NCAM2: variants seen among roughly 807,000 people sequenced by gnomAD.
NCAM2 encodes the protein N-CAM-2.
In NCAM2, 30 loss-of-function variants were observed where a neutral mutation model predicts 98.1. The ratio of observed to expected loss-of-function variants is 0.31; its 90% CI spans 0.23 to 0.41. NCAM2 has a LOEUF of 0.41. NCAM2 is among the 10% of genes least tolerant of loss of function. The probability of loss-of-function intolerance (pLI) is 1.00; values close to 1 mark genes in which losing one functional copy is unlikely to be tolerated. For synonymous variants in NCAM2, 368 were observed against 342.4 expected (o/e 1.07, Z -0.83); for missense variants, 867 against 1,005.8 (o/e 0.86, Z 1.87).
At chr21:21,513,486 T>G (rs965521335) in intron 16 of NCAM2, among the ~76,000 whole-genome samples, 2 of 152,106 alleles carry the variant, frequency 1.3e-5, no homozygotes, top group Non-Finnish European at 2.9e-5. Context: ...TTAATTTCCA[T>G]GTGTTTCTAT....
At chr21:21,221,177 A>G (rs2070133869) in intron 1 of NCAM2, among the ~76,000 whole-genome samples, 1 of 152,110 alleles carries the variant, frequency 6.6e-6, no homozygotes, top group South Asian at 2.1e-4. Flanking sequence ...GTGTGTTCCT[A>G]CTGTTTCATT....
intron 1 of NCAM2, among the ~76,000 whole-genome samples, chr21:21,055,089 CTT>C (rs1186265355): frequency 6.6e-6 from 1 of 151,976 alleles, no homozygotes; most frequent in Non-Finnish European, 1.5e-5. Flanking sequence ...TGTAACATCT[CTT>C]AATTTTCAGA....
intron 5 of NCAM2, 43 bp from the exon 6 acceptor site, chr21:21,324,340 G>A (rs762798288): frequency 7.2e-7 from 1 of 1,398,544 alleles, no homozygotes; most frequent in Non-Finnish European, 1.0e-6. Flanking sequence ...TGGTAGTGAA[G>A]GTGTTTTCGT....
intron 1 of NCAM2, among the ~76,000 whole-genome samples, chr21:21,110,552 T>G (rs189586788): frequency 2.0e-5 from 3 of 151,526 alleles, no homozygotes; most frequent in Non-Finnish European, 3.0e-5. Context: ...TATACCAGAT[T>G]AATGCAACAA....
At chr21:21,308,012 G>A (rs2147694293) in intron 5 of NCAM2, among the ~76,000 whole-genome samples, 1 of 151,842 alleles carries the variant, frequency 6.6e-6, no homozygotes, top group Non-Finnish European at 1.5e-5. Flanking sequence ...TTAGGGCATT[G>A]ACATCTTTGG....
intron 15 of NCAM2, among the ~76,000 whole-genome samples, chr21:21,493,933 A>G (rs1160287896): frequency 6.6e-6 from 1 of 152,022 alleles, no homozygotes; most frequent in East Asian, 1.9e-4. Flanking sequence ...ATATAATAAT[A>G]GACGTTTATA....
intron 12 of NCAM2, among the ~76,000 whole-genome samples, chr21:21,443,398 C>A: frequency 6.6e-6 from 1 of 151,558 alleles, no homozygotes; most frequent in Non-Finnish European, 1.5e-5. Flanking sequence ...ACATTGTGCA[C>A]ATGAACCCCA....
intron 1 of NCAM2, among the ~76,000 whole-genome samples, chr21:21,007,922 G>A (rs527646659): frequency 2.4e-4 from 36 of 152,160 alleles, no homozygotes; most frequent in Admixed American, 1.2e-3. Flanking sequence ...TGATTCAGAC[G>A]CCTCTGACGT....
intron 1 of NCAM2, among the ~76,000 whole-genome samples, chr21:21,271,537 T>C (rs2147431141): frequency 6.6e-6 from 1 of 152,332 alleles, no homozygotes; most frequent in South Asian, 2.1e-4. Flanking sequence ...TAAAATTATG[T>C]AATGCTTATC....
At chr21:21,234,851 T>A (rs1200828681) in intron 1 of NCAM2, among the ~76,000 whole-genome samples, 1 of 152,036 alleles carries the variant, frequency 6.6e-6, no homozygotes, top group Non-Finnish European at 1.5e-5. Flanking sequence ...AAATGAATGA[T>A]GAATAAATTG....
At chr21:21,371,298 T>C (rs980247001) in intron 8 of NCAM2, among the ~76,000 whole-genome samples, 13 of 151,754 alleles carry the variant, frequency 8.6e-5, no homozygotes, top group Non-Finnish European at 2.9e-5. Context: ...AGAGTGTTGG[T>C]TTTTCTGTCT....
intron 4 of NCAM2, among the ~76,000 whole-genome samples, chr21:21,287,167 T>C (rs1454107232): frequency 1.3e-5 from 2 of 151,974 alleles, no homozygotes; most frequent in East Asian, 3.9e-4. Flanking sequence ...TTTAGAATTT[T>C]TTCAATGCAC....
chr21:21,484,514 G>T (rs1316934506), intron 15 of NCAM2, among the ~76,000 whole-genome samples: 1 of 152,080 alleles, frequency 6.6e-6, no homozygotes, highest in East Asian at 1.9e-4. Flanking sequence ...GCTGAATGCT[G>T]CTGGGTTTTC....
At chr21:21,159,608 A>G (rs2067720501) in intron 1 of NCAM2, among the ~76,000 whole-genome samples, 1 of 152,156 alleles carries the variant, frequency 6.6e-6, no homozygotes, top group African/African-American at 2.4e-5. Context: ...CCTAGGAGCA[A>G]TAAGTTATAC....
At chr21:21,010,444 A>G (rs1434093645) in intron 1 of NCAM2, among the ~76,000 whole-genome samples, 4 of 152,242 alleles carry the variant, frequency 2.6e-5, no homozygotes, top group South Asian at 2.1e-4. Context: ...CTATTATGCA[A>G]TACCCTAAGT....
intron 1 of NCAM2, among the ~76,000 whole-genome samples, chr21:21,195,423 A>T (rs1271548853): frequency 6.6e-6 from 1 of 152,198 alleles, no homozygotes; most frequent in African/African-American, 2.4e-5. Context: ...ATATTCAGTT[A>T]AAAACAGAGT....
intron 1 of NCAM2, among the ~76,000 whole-genome samples, chr21:21,144,763 C>A (rs1361576372): frequency 6.6e-6 from 1 of 152,092 alleles, no homozygotes; most frequent in Non-Finnish European, 1.5e-5. Context: ...CACTTACATT[C>A]ATAGATTTAA....
At chr21:21,357,236 G>A (rs1477634790) in intron 8 of NCAM2, among the ~76,000 whole-genome samples, 1 of 151,982 alleles carries the variant, frequency 6.6e-6, no homozygotes, top group African/African-American at 2.4e-5. Flanking sequence ...CGTTCAATGC[G>A]TATGCCTCAC....
At chr21:21,392,812 A>G (rs1307638205) in intron 9 of NCAM2, among the ~76,000 whole-genome samples, 2 of 152,032 alleles carry the variant, frequency 1.3e-5, no homozygotes, top group Non-Finnish European at 2.9e-5. Flanking sequence ...TTTTTCTTGT[A>G]AATTTGTTTA....
Sources: allele counts gnomAD v4.1 joint callset (sites outside exome capture counted in the v4.1 genomes callset), GRCh38; gene constraint gnomAD v4.1.1; transcripts MANE v1.5; gene names NCBI Gene and HGNC (gene_info 2026-07-23, HGNC 2026-07-21).